The following PLCL1 variants were observed in gnomAD, a reference collection of about 807,000 sequenced individuals.
PLCL1 encodes the protein phospholipase C like 1 (inactive), also known as inactive phospholipase C-like protein 1.
In PLCL1, 41 loss-of-function variants were observed where a neutral mutation model predicts 84.4. That is an observed-to-expected ratio of 0.49 (90% CI 0.38 to 0.63). PLCL1 has a LOEUF of 0.63. Among genes scored for constraint, PLCL1 ranks in the 30% least tolerant of loss-of-function variants. The pLI, the probability that PLCL1 is intolerant of heterozygous loss-of-function variation, is 0.00. For synonymous variants in PLCL1, 490 were observed against 488.3 expected, an observed-to-expected ratio of 1.00 and a Z score of -0.05; for missense variants, 1,206 against 1,367.8, an observed-to-expected ratio of 0.88 and a Z score of 1.87.
chr2:198,114,699 C>G (rs749450943), intron 5 of PLCL1, among the ~76,000 whole-genome samples: 2 of 151,762 alleles, frequency 1.3e-5, no homozygotes, highest in Non-Finnish European at 2.9e-5. Flanking sequence ...AGCTCCTTTT[C>G]TGATATTGTT....
At chr2:198,122,213 G>T (rs1429657454) in intron 5 of PLCL1, among the ~76,000 whole-genome samples, 2 of 151,968 alleles carry the variant, frequency 1.3e-5, no homozygotes, top group African/African-American at 4.8e-5. Context: ...TTATCCCAGT[G>T]CAAGAAGACA....
chr2:197,815,076 C>T lies in PLCL1; in HGVS notation c.240+9737C>T, dbSNP rs114296521. On this transcript the variant is annotated intron_variant, in intron 1 of 5. Transcript: ENST00000428675. ...CAGAGATTATCGATGAAGCCGGCTA[C>T]ACTAAAAAACCTCAAATTAGAAGAA... Among the ~76,000 whole-genome samples, 1,097 of 152,264 alleles carry T rather than the reference C, an allele frequency of 7.2e-3. 13 individuals carry two copies. Among genetic ancestry groups the T allele is most frequent in the African/African-American group, 0.025 (1,048 of 41,556 alleles).
At chr2:198,109,022 C>G (rs1046630146) in intron 5 of PLCL1, among the ~76,000 whole-genome samples, 3 of 151,880 alleles carry the variant, frequency 2.0e-5, no homozygotes, top group African/African-American at 7.2e-5. Flanking sequence ...CCATTCCACC[C>G]TCACATGTTA....
chr2:197,943,658 G>A (rs1452622931), intron 1 of PLCL1, among the ~76,000 whole-genome samples: 2 of 33,170 alleles, frequency 6.0e-5, no homozygotes, highest in South Asian at 7.9e-4. Context: ...TTACTTTGTT[G>A]TGACTACATA....
At chr2:197,864,364 G>T (rs375962650) in intron 1 of PLCL1, among the ~76,000 whole-genome samples, 302 of 137,374 alleles carry the variant, frequency 2.2e-3, no homozygotes, top group African/African-American at 6.0e-3. Flanking sequence ...TTTTTTTTTT[G>T]TTTCTCTATG....
chr2:197,842,022 A>G (rs951309346), intron 1 of PLCL1, among the ~76,000 whole-genome samples: 8 of 152,308 alleles, frequency 5.3e-5, no homozygotes, highest in African/African-American at 1.2e-4. Flanking sequence ...TTTAAAAAAT[A>G]GCTGGGGGAA....
At chr2:198,132,505 A>G (rs1207835899) in intron 5 of PLCL1, among the ~76,000 whole-genome samples, 1 of 152,050 alleles carries the variant, frequency 6.6e-6, no homozygotes, top group Non-Finnish European at 1.5e-5. Flanking sequence ...TCAACTACTG[A>G]CATATTAAGG....
intron 1 of PLCL1, among the ~76,000 whole-genome samples, chr2:197,918,173 CA>C (rs1397275294): frequency 1.3e-5 from 2 of 152,164 alleles, no homozygotes; most frequent in Non-Finnish European, 2.9e-5. Flanking sequence ...CTTCCTCCTC[CA>C]AACCCATAAC....
At chr2:197,936,446 T>C (rs1165539436) in intron 1 of PLCL1, among the ~76,000 whole-genome samples, 3 of 152,186 alleles carry the variant, frequency 2.0e-5, no homozygotes, top group Non-Finnish European at 4.4e-5. Context: ...ATAACTATTC[T>C]AATGGGCATG....
At chr2:198,054,174 G>A (rs1297506769) in intron 1 of PLCL1, among the ~76,000 whole-genome samples, 2 of 152,100 alleles carry the variant, frequency 1.3e-5, no homozygotes, top group East Asian at 3.8e-4. Flanking sequence ...TAAATACATA[G>A]GTATAATAAT....
At chr2:198,141,419 A>G (rs1469343136) in intron 5 of PLCL1, among the ~76,000 whole-genome samples, 1 of 151,626 alleles carries the variant, frequency 6.6e-6, no homozygotes, top group African/African-American at 2.4e-5. Flanking sequence ...ATTCCAGGCC[A>G]TCTTTGAATA....
At chr2:198,025,636 A>G (rs780863039) in intron 1 of PLCL1, among the ~76,000 whole-genome samples, 16 of 152,128 alleles carry the variant, frequency 1.1e-4, no homozygotes, top group Non-Finnish European at 1.9e-4. Context: ...GTGTGAGTTG[A>G]ATGTAAAATG....
chr2:197,966,636 T>C (rs1207519232), intron 1 of PLCL1, among the ~76,000 whole-genome samples: 1 of 152,156 alleles, frequency 6.6e-6, no homozygotes, highest in Non-Finnish European at 1.5e-5. Context: ...GGGATGGCAC[T>C]GGCAATTCAA....
At chr2:198,071,102 A>G (rs1358842497) in intron 1 of PLCL1, 2 of 11,792 alleles carry the variant, frequency 1.7e-4, no homozygotes, top group Non-Finnish European at 3.6e-4. Context: ...AAGTATGCAC[A>G]CACACACACA....
Position 198,085,334 on chromosome 2 carries a change from G to A in PLCL1, c.1817G>A (p.Ser606Asn), listed in dbSNP as rs928460450. 14 of 1,613,348 alleles carry A rather than the reference G, an allele frequency of 8.7e-6. No homozygotes were observed. Among genetic ancestry groups the A allele is most frequent in the East Asian group, 2.2e-5 (1 of 44,870 alleles). Residue 606 changes from serine (S) to asparagine (N), a missense_variant, in exon 2 of 6, where the codon AGC becomes AAC. Physicochemically the swap from Ser to Asn is conservative, Grantham distance 46. Transcript: ENST00000428675. The surrounding 1 kb of genome is among the most constrained non-coding windows in gnomAD (Gnocchi z 5.3). The part of the protein sequence containing the change: ...QYRDFELSMK[S>N]QNYWEMCSFS... The stretch of plus-strand genomic sequence containing the variant: ...AGGGATTTTGAACTATCTATGAAAA[G>A]CCAAAACTATTGGGAAATGTGTTCA...
chr2:197,955,840 A>G lies in PLCL1; in HGVS notation c.241-127918A>G, dbSNP rs1689479549. 5.9e-5 allele frequency among the ~76,000 whole-genome samples: 9 copies of G among 151,666 alleles called. No homozygotes were observed. In the South Asian group the frequency reaches 1.9e-3, roughly 32 times the overall value. ...AATTTTACCCTAAGTTCTGGGATAC[A>G]TGTGCAGAATGTGCAGGTTTGTTAC... On this transcript the variant is annotated intron_variant, in intron 1 of 5. Transcript: ENST00000428675.
intron 1 of PLCL1, among the ~76,000 whole-genome samples, chr2:197,999,998 TA>T (rs1357822217): frequency 6.6e-6 from 1 of 152,224 alleles, no homozygotes; most frequent in Non-Finnish European, 1.5e-5. Context: ...TGCAAATCAT[TA>T]AATATACAAA....
chr2:197,805,311 C>A lies in PLCL1; in HGVS notation c.212C>A (p.Ala71Glu). 7.7e-7 allele frequency: 1 copy of A among 1,305,546 alleles called. No homozygotes were observed. Among genetic ancestry groups the A allele is most frequent in the Non-Finnish European group, 9.7e-7 (1 of 1,031,070 alleles). 80.9% of individuals were successfully genotyped at this position (1,305,546 alleles called of 1,614,324 possible). The change falls in exon 1 of 6, where the codon GCG becomes GAG. Residue 71 changes from alanine (A) to glutamate (E), a missense_variant. Coordinates refer to ENST00000428675, the MANE Select transcript of PLCL1 (RefSeq NM_006226.4). The surrounding 1 kb of genome is among the most constrained non-coding windows in gnomAD (Gnocchi z 4.0). ...GCGGGCCTCCTGGAGGCAGCACGGG[C>A]GACCCCCCGGCGCAGCAGCATCATC... ...SEAGLLEAAR[A>E]TPRRSSIIKD... is the part of the protein sequence containing the mutation.
intron 1 of PLCL1, among the ~76,000 whole-genome samples, chr2:197,825,964 A>G (rs192555428): frequency 1.3e-5 from 2 of 152,360 alleles, no homozygotes; most frequent in East Asian, 3.9e-4. Context: ...CAGTTCCTCT[A>G]ATAAAGACAC....
Sources: gnomAD v4.1 joint callset for allele counts (sites outside exome capture counted in the v4.1 genomes callset) on GRCh38, gnomAD v4.1.1 for gene constraint, Gnocchi (gnomAD v3.1) non-coding constraint, MANE v1.5 for transcripts, NCBI Gene and HGNC (gene_info 2026-07-23, HGNC 2026-07-21) for gene names.